ASB15: variants seen among roughly 807,000 people sequenced by gnomAD.
ASB15 encodes the protein ankyrin repeat and SOCS box protein 15.
Under a neutral mutation model 58.0 loss-of-function variants are expected in ASB15, and 54 were observed. The observed-to-expected ratio is 0.93, with a 90% confidence interval of 0.75 to 1.17. The LOEUF is 1.17. Among genes scored for constraint, ASB15 ranks in the 50% most tolerant of loss-of-function variants. The pLI is 0.00. For synonymous variants in ASB15, 249 were observed against 262.4 expected, an observed-to-expected ratio of 0.95 and a Z score of 0.50; for missense variants, 680 against 707.4, an observed-to-expected ratio of 0.96 and a Z score of 0.44.
chr7:123,625,106 C>G (rs1693730855), intron 8 of ASB15: 1 of 351,928 alleles, frequency 2.8e-6, no homozygotes, highest in Non-Finnish European at 5.2e-6. Flanking sequence ...TGCTCATCTT[C>G]TCCTTAACTG....
In ASB15 at chr7:123,617,657, T is replaced by C; in HGVS notation, c.371T>C (p.Val124Ala). ...PLTLAVKAGL[V>A]ENVRTLLEKG... Reference sequence around the variant, plus strand: ...ACTTTGGCAGTCAAAGCTGGTCTGGTGGAAAATGTAAGAACTTTATTAGAA... The same window carrying C: ...ACTTTGGCAGTCAAAGCTGGTCTGGCGGAAAATGTAAGAACTTTATTAGAA... The change falls in exon 7 of 12, where the codon GTG (valine) becomes GCG (alanine). Residue 124 changes from valine (V) to alanine (A), a missense_variant. Val to Ala is a moderately conservative substitution (Grantham distance 64). Transcript: ENST00000451215. The C allele has an allele frequency of 6.2e-7, 1 of 1,611,344 alleles. No homozygotes were observed.
Position 123,637,072 on chromosome 7 carries a change from A to T in ASB15, c.*91A>T, listed in dbSNP as rs1337706952. The T allele has an allele frequency of 7.9e-6, 7 of 889,180 alleles. No homozygotes were observed. Among genetic ancestry groups the T allele is most frequent in the Non-Finnish European group, 1.2e-5 (7 of 592,304 alleles). 55.1% of individuals were successfully genotyped at this position (889,180 alleles called of 1,614,324 possible). A position where few individuals can be genotyped will look rare whatever the true frequency, so the allele number is the denominator to read the frequency against. On this transcript the variant is annotated 3_prime_UTR_variant, in exon 12 of 12. Transcript: ENST00000451215. ...AACCATTTTACATCCTTAATTGTAA[A>T]GTGTATTTAAATTCATTGACAGTTT...
At chr7:123,577,167 A>G (rs1209378551) in intron 1 of ASB15, among the ~76,000 whole-genome samples, 1 of 152,112 alleles carries the variant, frequency 6.6e-6, no homozygotes, top group East Asian at 1.9e-4. Flanking sequence ...TGATGTTTTG[A>G]ACTTAGATGT....
chr7:123,605,662 C>T (rs1270035455), intron 2 of ASB15, among the ~76,000 whole-genome samples: 3 of 152,048 alleles, frequency 2.0e-5, no homozygotes, highest in Non-Finnish European at 4.4e-5. Flanking sequence ...ACTAGCCAGC[C>T]ACAAAAAAGA....
At chr7:123,574,198 C>CT (rs546536941) in intron 1 of ASB15, among the ~76,000 whole-genome samples, 3 of 149,704 alleles carry the variant, frequency 2.0e-5, no homozygotes, top group Non-Finnish European at 4.5e-5. Flanking sequence ...GTTCCATCTC[C>CT]TTTTTTTTTC....
intron 2 of ASB15, among the ~76,000 whole-genome samples, chr7:123,606,853 A>G (rs1180833681): frequency 1.3e-5 from 2 of 152,154 alleles, no homozygotes; most frequent in Non-Finnish European, 2.9e-5. Flanking sequence ...TTCATCTGTC[A>G]ATGGACATTT....
In ASB15 at chr7:123,627,025, G is replaced by A. The variant is rs941467412; in HGVS notation, c.698-85G>A. ...TGGGATTACAGGTGTGAGCCACCATGCCCAGCCCCACAACAGGCTGTTTTT... is the reference window on the plus strand; with the variant it reads ...TGGGATTACAGGTGTGAGCCACCATACCCAGCCCCACAACAGGCTGTTTTT... On this transcript the variant is annotated intron_variant, in intron 8 of 11. Coordinates refer to ENST00000451215, the MANE Select transcript of ASB15 (RefSeq NM_001290258.2). 5 of 1,408,628 alleles carry A rather than the reference G, an allele frequency of 3.5e-6. No homozygotes were observed. The African/African-American group carries it at 5.7e-5, about 16-fold the overall frequency. The allele number at this position is 1,408,628 out of a possible 1,614,324, so 87.3% of individuals were successfully genotyped here.
rs1276146369 is a variant in ASB15 at position 123,627,116 on chromosome 7, A to T, written c.704A>T (p.Asp235Val). The change falls in exon 9 of 12, where the codon GAT (aspartate) becomes GTT (valine). Residue 235 changes from aspartate to valine, a missense_variant. Asp to Val is a radical substitution (Grantham distance 152). Transcript: ENST00000451215. ...VLEHLIHKGG[D>V]VLALADDGAS... ...CCACGTTTTATACTGCCAGGTGGTG[A>T]TGTGCTTGCTTTGGCGGATGATGGG... The T allele has an allele frequency of 6.2e-7, 1 of 1,612,622 alleles. No individual in the cohort carries two copies. The highest frequency in any genetic ancestry group is 1.3e-5 in the African/African-American group (1 of 74,852).
intron 1 of ASB15, among the ~76,000 whole-genome samples, chr7:123,591,693 C>T (rs529515209): frequency 4.1e-4 from 63 of 152,140 alleles, no homozygotes; most frequent in African/African-American, 1.4e-3. Flanking sequence ...TTGCTGGATT[C>T]GGTTTGCCAG....
intron 1 of ASB15, among the ~76,000 whole-genome samples, chr7:123,579,922 G>C (rs898272843): frequency 6.6e-6 from 1 of 151,982 alleles, no homozygotes; most frequent in South Asian, 2.1e-4. Flanking sequence ...CTCATTTATT[G>C]AATGGCCACA....
Position 123,629,326 on chromosome 7 carries a change from G to A in ASB15, c.1332G>A (p.Met444Ile), listed in dbSNP as rs1801997392. 1.4e-5 allele frequency: 23 copies of A among 1,614,076 alleles called. No homozygotes were observed. The highest frequency in any genetic ancestry group is 1.9e-5 in the Non-Finnish European group (23 of 1,179,946). ...LLLNNGYQVE[M>I]CFDCMHGDIF... ...TGAATAATGGCTATCAAGTGGAGATGTGCTTTGACTGCATGCATGGTGACA... is the reference window on the plus strand; with the variant it reads ...TGAATAATGGCTATCAAGTGGAGATATGCTTTGACTGCATGCATGGTGACA... Residue 444 changes from methionine (M) to isoleucine (I), a missense_variant, in exon 10 of 12, where the codon ATG becomes ATA. Coordinates refer to ENST00000451215, the MANE Select transcript of ASB15 (RefSeq NM_001290258.2).
chr7:123,592,329 T>C (rs1381418813), intron 1 of ASB15, among the ~76,000 whole-genome samples: 1 of 152,226 alleles, frequency 6.6e-6, no homozygotes, highest in Non-Finnish European at 1.5e-5. Context: ...TTCTGCTAGC[T>C]TTTGAATTTG....
chr7:123,627,148 G>A lies in ASB15; in HGVS notation c.736G>A (p.Val246Met), dbSNP rs1416474816. ...VLALADDGAS[V>M]LFEAAGGGNP... ...TGCTTTGGCGGATGATGGGGCGTCG[G>A]TGCTGTTTGAGGCAGCAGGAGGTGG... Residue 246 changes from valine (V) to methionine (M), a missense_variant, in exon 9 of 12, where the codon GTG becomes ATG. Val to Met is a conservative substitution (Grantham distance 21). Coordinates refer to ENST00000451215, the MANE Select transcript of ASB15 (RefSeq NM_001290258.2). 9 of 1,613,812 alleles carry A rather than the reference G, an allele frequency of 5.6e-6. No individual in the cohort carries two copies. The highest frequency in any genetic ancestry group is 2.7e-5 in the African/African-American group (2 of 74,864).
chr7:123,627,352 T>G, intron 9 of ASB15, 71 bp downstream of exon 9: 1 of 1,323,002 alleles, frequency 7.6e-7, no homozygotes, highest in Non-Finnish European at 1.0e-6. Flanking sequence ...TAATCACAAG[T>G]CTATATGTAA....
intron 1 of ASB15, among the ~76,000 whole-genome samples, chr7:123,576,113 ACTTT>A (rs1277577821): frequency 2.0e-5 from 3 of 150,774 alleles, no homozygotes; most frequent in African/African-American, 4.9e-5. Flanking sequence ...TATCCTTAAG[ACTTT>A]CTTTATTTCA....
Position 123,637,107 on chromosome 7 carries a change from T to C in ASB15, c.*126T>C. The C allele has an allele frequency of 1.5e-6, 1 of 654,664 alleles. No homozygotes were observed. The highest frequency in any genetic ancestry group is 2.5e-5 in the South Asian group (1 of 40,590). 40.6% of individuals were successfully genotyped at this position (654,664 alleles called of 1,614,324 possible). A position where few individuals can be genotyped will look rare whatever the true frequency, so the allele number is the denominator to read the frequency against. ...AATTCATTGACAGTTTTATAGGTTA[T>C]CATGTGTTCTTATGGGAACACCATG... On this transcript the variant is annotated 3_prime_UTR_variant, in exon 12 of 12. Coordinates refer to ENST00000451215, the MANE Select transcript of ASB15 (RefSeq NM_001290258.2).
intron 1 of ASB15, among the ~76,000 whole-genome samples, chr7:123,583,243 A>T (rs1458840476): frequency 6.6e-6 from 1 of 151,956 alleles, no homozygotes; most frequent in Non-Finnish European, 1.5e-5. Context: ...AAATAAATAG[A>T]TAAATAAATA....
chr7:123,627,346 C>A, intron 9 of ASB15, 65 bp downstream of exon 9: 1 of 1,378,702 alleles, frequency 7.3e-7, no homozygotes, highest in East Asian at 2.5e-5. Flanking sequence ...ACAGTATAAT[C>A]ACAAGTCTAT....
At chr7:123,605,548 G>A (rs375688854) in intron 2 of ASB15, among the ~76,000 whole-genome samples, 11 of 152,134 alleles carry the variant, frequency 7.2e-5, no homozygotes, top group Non-Finnish European at 1.3e-4. Flanking sequence ...GCACACGTAC[G>A]TTCACTGCAG....
Sources: gnomAD v4.1 joint callset for allele counts (sites outside exome capture counted in the v4.1 genomes callset) on GRCh38, gnomAD v4.1.1 for gene constraint, MANE v1.5 for transcripts, NCBI Gene and HGNC (gene_info 2026-07-23, HGNC 2026-07-21) for gene names.